EDIL3: variants seen among roughly 807,000 people sequenced by gnomAD.
The protein encoded by EDIL3 is EGF-like repeat and discoidin I-like domain-containing protein 3.
Under a neutral mutation model 67.4 loss-of-function variants are expected in EDIL3, and 37 were observed. The observed-to-expected ratio is 0.55, with a 90% confidence interval of 0.42 to 0.72. The LOEUF is 0.72. Among genes scored for constraint, EDIL3 ranks in the 30% least tolerant of loss-of-function variants. The probability of loss-of-function intolerance (pLI) is 0.00; values close to 1 mark genes in which losing one functional copy is unlikely to be tolerated. For missense variants in EDIL3, 527 were observed against 586.3 expected, an observed-to-expected ratio of 0.90 and a Z score of 1.04; for synonymous variants, 195 against 196.3, an observed-to-expected ratio of 0.99 and a Z score of 0.05.
In EDIL3 at chr5:84,215,047, A is replaced by G. The variant is rs200737189; in HGVS notation, c.226+14808T>C. Among the ~76,000 whole-genome samples the G allele has an allele frequency of 1.6e-4, 24 of 152,172 alleles. No individual in the cohort carries two copies. In the East Asian group the frequency reaches 2.5e-3, roughly 16 times the overall value. On this transcript the variant is annotated intron_variant, in intron 3 of 10. Transcript: ENST00000296591. ...ATGTGTGTTCTTGAATTAATAATGC[A>G]ATAAAGTCAGCATAAAATCTGTATG...
intron 1 of EDIL3, among the ~76,000 whole-genome samples, chr5:84,324,341 C>A (rs1561257476): frequency 1.3e-5 from 2 of 151,790 alleles, no homozygotes; most frequent in Admixed American, 6.6e-5. Context: ...TAAGCAAACA[C>A]AATGGAAATT....
chr5:83,948,576 G>T (rs1221598519), intron 10 of EDIL3, among the ~76,000 whole-genome samples: 1 of 151,360 alleles, frequency 6.6e-6, no homozygotes, highest in Non-Finnish European at 1.5e-5. Flanking sequence ...TGCCCTATAT[G>T]CAAGCATTCC....
intron 9 of EDIL3, among the ~76,000 whole-genome samples, chr5:84,031,262 C>G (rs1745915164): frequency 6.6e-6 from 1 of 152,086 alleles, no homozygotes; most frequent in South Asian, 2.1e-4. Flanking sequence ...ATAACAGTAA[C>G]AAATAGTAAT....
intron 4 of EDIL3, among the ~76,000 whole-genome samples, chr5:84,158,302 C>G (rs1338396093): frequency 6.6e-6 from 1 of 151,982 alleles, no homozygotes; most frequent in Non-Finnish European, 1.5e-5. Context: ...GTGAATACTG[C>G]TCAGATATTT....
intron 9 of EDIL3, among the ~76,000 whole-genome samples, chr5:84,048,535 T>C (rs1746271542): frequency 6.6e-6 from 1 of 152,054 alleles, no homozygotes; most frequent in African/African-American, 2.4e-5. Flanking sequence ...TCTACTAATT[T>C]GGTTGAAATA....
At chr5:84,213,328 T>C (rs342420) in intron 3 of EDIL3, among the ~76,000 whole-genome samples, 104,636 of 152,002 alleles carry the variant, frequency 0.69, 36,338 homozygotes, top group East Asian at 0.81. Context: ...TTGTCTTATT[T>C]TAGTTTTGTT....
Position 84,060,330 on chromosome 5 carries a change from A to C in EDIL3, c.1107T>G (p.Ser369=). The change falls in exon 9 of 11, where the codon TCT becomes TCG. Residue 369 remains serine, a synonymous_variant. Coordinates refer to ENST00000296591, the MANE Select transcript of EDIL3 (RefSeq NM_005711.5). ...DKQGKVNAWT[S]GHNDQSQWLQ... ...ACCATTGTGACTGGTCATTGTGGCC[A>C]GAGGTCCAGGCATTCACTTTGCCTT... The C allele has an allele frequency of 6.2e-7, 1 of 1,613,822 alleles. No individual in the cohort carries two copies. The highest frequency in any genetic ancestry group is 1.1e-5 in the South Asian group (1 of 91,070).
At chr5:83,994,508 T>A (rs1210837319) in intron 9 of EDIL3, among the ~76,000 whole-genome samples, 1 of 152,190 alleles carries the variant, frequency 6.6e-6, no homozygotes, top group East Asian at 1.9e-4. Context: ...AAAAATAAGT[T>A]GCATTAAAAT....
intron 9 of EDIL3, among the ~76,000 whole-genome samples, chr5:84,043,057 C>T (rs1431442195): frequency 1.3e-5 from 2 of 152,106 alleles, no homozygotes; most frequent in Non-Finnish European, 2.9e-5. Context: ...CAAGTAGTAG[C>T]GATGATCCTC....
intron 3 of EDIL3, among the ~76,000 whole-genome samples, chr5:84,201,436 T>C (rs751850444): frequency 2.6e-5 from 4 of 152,104 alleles, no homozygotes; most frequent in Non-Finnish European, 4.4e-5. Flanking sequence ...GACAGTTTAT[T>C]ACCTCAATAC....
intron 9 of EDIL3, among the ~76,000 whole-genome samples, chr5:84,050,370 A>G (rs1197309398): frequency 1.3e-5 from 2 of 152,224 alleles, no homozygotes; most frequent in African/African-American, 2.4e-5. Context: ...GCTCCAGTCT[A>G]CAGCTCCCAG....
intron 1 of EDIL3, among the ~76,000 whole-genome samples, chr5:84,305,484 A>C (rs1013537540): frequency 6.6e-6 from 1 of 152,224 alleles, no homozygotes; most frequent in Non-Finnish European, 1.5e-5. Context: ...TCCACTAGCT[A>C]AACGAAGCAA....
In EDIL3 at chr5:84,169,764, T is replaced by C. The variant is rs141015369; in HGVS notation, c.355+10629A>G. 6.6e-5 allele frequency among the ~76,000 whole-genome samples: 10 copies of C among 152,086 alleles called. No individual in the cohort carries two copies. In the East Asian group the frequency reaches 1.7e-3, roughly 26 times the overall value. On this transcript the variant is annotated intron_variant, in intron 4 of 10. Transcript: ENST00000296591. Reference sequence around the variant, plus strand: ...GAGTAGCAATTCCATGGTATGTATGTACCACAGTTTGTTTAACCATTTGCC... The same window carrying C: ...GAGTAGCAATTCCATGGTATGTATGCACCACAGTTTGTTTAACCATTTGCC...
chr5:84,249,198 G>T (rs1744971682), intron 2 of EDIL3, among the ~76,000 whole-genome samples: 2 of 151,610 alleles, frequency 1.3e-5, no homozygotes, highest in Non-Finnish European at 2.9e-5. Context: ...TCTGGAATAG[G>T]TTTTGTTGTT....
chr5:84,289,635 C>T (rs1222260119), intron 1 of EDIL3, among the ~76,000 whole-genome samples: 2 of 152,118 alleles, frequency 1.3e-5, no homozygotes, highest in Non-Finnish European at 2.9e-5. Context: ...TGGTCTTTAT[C>T]CTACCTGACT....
chr5:84,066,656 A>G, intron 6 of EDIL3, 50 bp from the exon 7 acceptor site: 1 of 1,560,142 alleles, frequency 6.4e-7, no homozygotes, highest in East Asian at 2.3e-5. Context: ...TCAGGATAAC[A>G]ATACTGAAAA....
intron 9 of EDIL3, among the ~76,000 whole-genome samples, chr5:84,009,157 C>T (rs1745476012): frequency 1.3e-5 from 2 of 152,030 alleles, no homozygotes; most frequent in African/African-American, 4.8e-5. Flanking sequence ...GGTGGGCCTG[C>T]CCAAGTTGTT....
chr5:84,242,238 A>C (rs1394154323), intron 2 of EDIL3, among the ~76,000 whole-genome samples: 1 of 152,086 alleles, frequency 6.6e-6, no homozygotes, highest in Admixed American at 6.6e-5. Flanking sequence ...TCTCAAAAAA[A>C]AAAAAAATTT....
At chr5:84,138,088 T>G (rs982987770) in intron 4 of EDIL3, among the ~76,000 whole-genome samples, 1 of 152,180 alleles carries the variant, frequency 6.6e-6, no homozygotes, top group African/African-American at 2.4e-5. Flanking sequence ...AAAGAAACAA[T>G]GACTAATTCA....
Sources: gnomAD v4.1 joint callset for allele counts (sites outside exome capture counted in the v4.1 genomes callset) on GRCh38, gnomAD v4.1.1 for gene constraint, MANE v1.5 for transcripts, NCBI Gene and HGNC (gene_info 2026-07-23, HGNC 2026-07-21) for gene names.